Variants in RAD51B observed in about 807,000 individuals in gnomAD.
RAD51B encodes RAD51 paralog B, also known as DNA repair protein RAD51 homolog 2.
A neutral mutation model predicts 42.2 loss-of-function variants in RAD51B; 38 were observed. That is an observed-to-expected ratio of 0.90 (90% CI 0.70 to 1.18). The LOEUF (loss-of-function observed/expected upper bound fraction) is 1.18, where lower values mean the gene tolerates loss of function less well. Among genes scored for constraint, RAD51B ranks in the 50% most tolerant of loss-of-function variants. The pLI is 0.00. For missense variants in RAD51B, 373 were observed against 400.7 expected, an observed-to-expected ratio of 0.93 and a Z score of 0.59; for synonymous variants, 154 against 145.2, an observed-to-expected ratio of 1.06 and a Z score of -0.43.
At chr14:68,559,231 A>C (rs1481672795) in intron 10 of RAD51B, among the ~76,000 whole-genome samples, 1 of 152,036 alleles carries the variant, frequency 6.6e-6, no homozygotes, top group Non-Finnish European at 1.5e-5. Flanking sequence ...GATATTTTTA[A>C]TAAATATACA....
At chr14:67,904,651 A>G (rs2043723178) in intron 7 of RAD51B, among the ~76,000 whole-genome samples, 1 of 151,346 alleles carries the variant, frequency 6.6e-6, no homozygotes, top group African/African-American at 2.4e-5. Context: ...GCTGCTAAGC[A>G]TGCCACCACA....
At chr14:68,050,166 C>T (rs1212902812) in intron 7 of RAD51B, among the ~76,000 whole-genome samples, 2 of 152,038 alleles carry the variant, frequency 1.3e-5, no homozygotes, top group Admixed American at 6.6e-5. Context: ...TTATGGAAGC[C>T]ATTTTTCCCC....
At chr14:68,165,741 C>A (rs919447846) in intron 7 of RAD51B, among the ~76,000 whole-genome samples, 1 of 152,176 alleles carries the variant, frequency 6.6e-6, no homozygotes, top group African/African-American at 2.4e-5. Flanking sequence ...CCTCATTAAA[C>A]TTCCTTTTTT....
At chr14:68,591,064 C>G (rs1403422869) in intron 10 of RAD51B, among the ~76,000 whole-genome samples, 1 of 152,192 alleles carries the variant, frequency 6.6e-6, no homozygotes, top group Admixed American at 6.5e-5. Flanking sequence ...TCTTTTCTTC[C>G]CTCCTTCCTA....
chr14:68,308,937 A>G (rs2081919664), intron 8 of RAD51B, among the ~76,000 whole-genome samples: 2 of 152,178 alleles, frequency 1.3e-5, no homozygotes, highest in East Asian at 3.8e-4. Flanking sequence ...CTCTCAGCTC[A>G]TGGACAAAAC....
At chr14:68,019,569 C>T (rs1206284234) in intron 7 of RAD51B, among the ~76,000 whole-genome samples, 1 of 151,414 alleles carries the variant, frequency 6.6e-6, no homozygotes, top group Non-Finnish European at 1.5e-5. Flanking sequence ...TTATGAGATG[C>T]AAAACCTGCA....
intron 10 of RAD51B, among the ~76,000 whole-genome samples, chr14:68,539,455 A>ACGTT (rs1225474667): frequency 6.6e-6 from 1 of 152,172 alleles, no homozygotes; most frequent in Non-Finnish European, 1.5e-5. Flanking sequence ...ACAGCTTTGC[A>ACGTT]CGTTAACCTC....
chr14:68,229,613 A>T (rs1265136364), intron 7 of RAD51B, among the ~76,000 whole-genome samples: 1 of 152,198 alleles, frequency 6.6e-6, no homozygotes, highest in African/African-American at 2.4e-5. Context: ...TCAGTTTCAG[A>T]GTAGGCAGTC....
At chr14:68,654,607 G>T (rs966495635) in intron 11 of RAD51B, among the ~76,000 whole-genome samples, 8 of 152,152 alleles carry the variant, frequency 5.3e-5, no homozygotes, top group Non-Finnish European at 1.5e-5. Flanking sequence ...TGTTTCTGTG[G>T]GTGGTTTAGA....
intron 7 of RAD51B, among the ~76,000 whole-genome samples, chr14:67,925,572 G>A (rs748244378): frequency 2.0e-5 from 3 of 152,136 alleles, no homozygotes; most frequent in African/African-American, 4.8e-5. Context: ...TGCTTGACCT[G>A]GATCTACCAT....
chr14:68,435,436 T>A (rs1208457890), intron 9 of RAD51B, among the ~76,000 whole-genome samples: 1 of 152,132 alleles, frequency 6.6e-6, no homozygotes, highest in Non-Finnish European at 1.5e-5. Flanking sequence ...GTTGATTCCA[T>A]GTCTTTACTA....
intron 7 of RAD51B, among the ~76,000 whole-genome samples, chr14:68,214,327 C>T (rs1025610772): frequency 1.3e-5 from 2 of 152,142 alleles, no homozygotes; most frequent in Non-Finnish European, 2.9e-5. Flanking sequence ...AAACCTTAGG[C>T]AGGGGAATTG....
chr14:68,095,460 G>A (rs754893912), intron 7 of RAD51B, among the ~76,000 whole-genome samples: 9 of 151,780 alleles, frequency 5.9e-5, no homozygotes, highest in Non-Finnish European at 1.2e-4. Flanking sequence ...GTATTTATGG[G>A]TATGAAAAAA....
intron 8 of RAD51B, chr14:68,339,097 T>A (rs576649877): frequency 2.9e-6 from 2 of 688,054 alleles, no homozygotes; most frequent in South Asian, 2.9e-5. Context: ...TCCACCAAGG[T>A]GGTGACCATG....
intron 8 of RAD51B, among the ~76,000 whole-genome samples, chr14:68,351,821 G>A (rs2082796492): frequency 6.6e-6 from 1 of 152,128 alleles, no homozygotes; most frequent in African/African-American, 2.4e-5. Flanking sequence ...CAAAAGATGG[G>A]GTAAGGTAAT....
intron 7 of RAD51B, among the ~76,000 whole-genome samples, chr14:68,084,861 C>G (rs543813106): frequency 2.6e-5 from 4 of 152,020 alleles, no homozygotes; most frequent in African/African-American, 9.7e-5. Flanking sequence ...AAAAAAAATC[C>G]GTGGATAATA....
chr14:67,897,016 C>T (rs547580479), intron 7 of RAD51B, among the ~76,000 whole-genome samples: 12 of 152,204 alleles, frequency 7.9e-5, no homozygotes, highest in South Asian at 4.1e-4. Flanking sequence ...CTTCAATAAA[C>T]GGTGTCAGGA....
At chr14:67,872,663 G>A (rs1031737346) in intron 5 of RAD51B, among the ~76,000 whole-genome samples, 3 of 151,942 alleles carry the variant, frequency 2.0e-5, no homozygotes, top group Non-Finnish European at 2.9e-5. Flanking sequence ...AAGGCTGGAG[G>A]CATCACACTA....
chr14:68,531,321 G>A (rs1887293359), intron 10 of RAD51B, among the ~76,000 whole-genome samples: 1 of 152,106 alleles, frequency 6.6e-6, no homozygotes, highest in African/African-American at 2.4e-5. Context: ...AAAAATTGGA[G>A]AATATCAGAT....
Sources: allele counts gnomAD v4.1 joint callset (sites outside exome capture counted in the v4.1 genomes callset), GRCh38; gene constraint gnomAD v4.1.1; transcripts MANE v1.5; gene names NCBI Gene and HGNC (gene_info 2026-07-23, HGNC 2026-07-21).